Variants in SPEN observed in about 807,000 individuals in gnomAD.
The protein encoded by SPEN is msx2-interacting protein.
SPEN carries 18 observed loss-of-function variants against 269.9 expected under a neutral mutation model. The ratio of observed to expected loss-of-function variants is 0.07; its 90% CI spans 0.05 to 0.10. The LOEUF (loss-of-function observed/expected upper bound fraction) is 0.10. Among genes scored for constraint, SPEN ranks in the 10% least tolerant of loss-of-function variants. SPEN has a pLI of 1.00. For synonymous variants in SPEN, 1,726 were observed against 1,765.7 expected (o/e 0.98, Z 0.56); for missense variants, 3,822 against 4,631.2 (o/e 0.83, Z 5.07).
At chr1:15,906,904 G>C (rs1052092255) in intron 3 of SPEN, among the ~76,000 whole-genome samples, 1 of 150,152 alleles carries the variant, frequency 6.7e-6, no homozygotes, top group Non-Finnish European at 1.5e-5. Context: ...CTCCCCAGTA[G>C]CTGGGATTAC....
At chr1:15,875,710 T>C (rs2070624657) in intron 2 of SPEN, among the ~76,000 whole-genome samples, 1 of 152,222 alleles carries the variant, frequency 6.6e-6, no homozygotes, top group African/African-American at 2.4e-5. Context: ...TCTGGACTTC[T>C]TGAAAGTCCT....
chr1:15,934,347 C>T lies in SPEN; in HGVS notation c.8107C>T (p.Pro2703Ser). The T allele has an allele frequency of 6.2e-7, 1 of 1,613,564 alleles. No homozygotes were observed. Among genetic ancestry groups the T allele is most frequent in the East Asian group, 2.2e-5 (1 of 44,892 alleles). The change falls in exon 11 of 15, where the codon CCA becomes TCA. Residue 2703 changes from proline to serine, a missense_variant. Pro to Ser is a moderately conservative substitution (Grantham distance 74, BLOSUM62 -1). Transcript: ENST00000375759. This position sits in a 1 kb window ranked among gnomAD's most constrained non-coding sequence, Gnocchi z 9.2. Reference protein sequence around the residue: ...LKGPVNVLTGPVNVLTTPVNA... With the variant: ...LKGPVNVLTGSVNVLTTPVNA... Reference sequence around the variant, plus strand: ...AGGGCCTGTGAATGTTCTTACGGGGCCAGTGAATGTTCTCACCACTCCAGT... The same window carrying T: ...AGGGCCTGTGAATGTTCTTACGGGGTCAGTGAATGTTCTCACCACTCCAGT...
chr1:15,850,640 T>C (rs2070326744), intron 1 of SPEN, among the ~76,000 whole-genome samples: 1 of 152,334 alleles, frequency 6.6e-6, no homozygotes, highest in Non-Finnish European at 1.5e-5. Flanking sequence ...TGGAGCTAAG[T>C]GGACCTTGTT....
intron 1 of SPEN, among the ~76,000 whole-genome samples, chr1:15,855,844 CAG>C (rs923783073): frequency 1.3e-5 from 2 of 149,582 alleles, no homozygotes; most frequent in African/African-American, 4.9e-5. Context: ...GCCTGGGTGA[CAG>C]AGCAAGACTC....
chr1:15,910,992 C>G (rs1373816060), intron 4 of SPEN, 109 bp from the exon 5 acceptor site: 2 of 911,198 alleles, frequency 2.2e-6, no homozygotes, highest in Non-Finnish European at 3.3e-6. Context: ...TATTACCTGT[C>G]TGACATGAAC....
Position 15,933,766 on chromosome 1 carries a change from G to A in SPEN, c.7526G>A (p.Arg2509Gln), listed in dbSNP as rs750174025. The A allele has an allele frequency of 8.1e-6, 13 of 1,613,746 alleles. No homozygotes were observed. Among genetic ancestry groups the A allele is most frequent in the African/African-American group, 2.7e-5 (2 of 74,878 alleles). Residue 2509 changes from arginine (R) to glutamine (Q), a missense_variant, in exon 11 of 15, where the codon CGG (arginine) becomes CAG (glutamine). Around this residue, in one of 16 missense-constraint regions of SPEN, gnomAD observed 727 missense variants for 737.9 expected, o/e 0.99. Transcript: ENST00000375759. The surrounding 1 kb of genome is among the most constrained non-coding windows in gnomAD (Gnocchi z 5.7). ...TEWITRQEEP[R>Q]AQSTPSPALP... ...TGGATCACAAGGCAGGAGGAGCCAC[G>A]GGCTCAGTCTACTCCATCTCCAGCT...
At chr1:15,917,055 G>C (rs1368913362) in intron 6 of SPEN, among the ~76,000 whole-genome samples, 1 of 152,166 alleles carries the variant, frequency 6.6e-6, no homozygotes, top group Non-Finnish European at 1.5e-5. Flanking sequence ...TTGAGCCCAG[G>C]AAGCAGAGGC....
At chr1:15,897,424 G>A (rs1050070232) in intron 3 of SPEN, among the ~76,000 whole-genome samples, 1 of 150,580 alleles carries the variant, frequency 6.6e-6, no homozygotes, top group African/African-American at 2.5e-5. Flanking sequence ...GTGCAGTGGC[G>A]TAGTCTCGGC....
Position 15,900,713 on chromosome 1 carries a change from GAA to G in SPEN, c.882-8606_882-8605del, listed in dbSNP as rs143057599. On this transcript the variant is annotated intron_variant, in intron 3 of 14. Coordinates refer to ENST00000375759, the MANE Select transcript of SPEN (RefSeq NM_015001.3). ...GGATCCTGCGTTTGGATTGCAGCTT[GAA>G]ATTAGCATGTTGGTTTTTCAAAAGA... is the stretch of plus-strand genomic sequence containing the variant. Among the ~76,000 whole-genome samples the G allele has an allele frequency of 6.9e-3, 1,044 of 152,256 alleles. 11 individuals carry two copies. Among genetic ancestry groups the G allele is most frequent in the African/African-American group, 0.024 (985 of 41,548 alleles).
intron 13 of SPEN, 50 bp from the exon 14 acceptor site, chr1:15,938,668 G>A: frequency 6.4e-7 from 1 of 1,574,070 alleles, no homozygotes; most frequent in Non-Finnish European, 8.6e-7. Context: ...GATGTGGGCT[G>A]CTGTTTGACT....
At chr1:15,894,622 C>G (rs1005296616) in intron 3 of SPEN, among the ~76,000 whole-genome samples, 3 of 144,038 alleles carry the variant, frequency 2.1e-5, no homozygotes, top group Non-Finnish European at 3.0e-5. Flanking sequence ...CTCACTGCAA[C>G]CTCCGCCTCC....
Position 15,929,181 on chromosome 1 carries a change from C to G in SPEN, c.2941C>G (p.Leu981Val), listed in dbSNP as rs768024641. 1 of 1,614,156 alleles carries G rather than the reference C, an allele frequency of 6.2e-7. No homozygotes were observed. The highest frequency in any genetic ancestry group is 1.7e-4 in the Middle Eastern group (1 of 6,060). ...DGVSAVDLEKLEARKRRFADS... is the reference protein window; with the variant it reads ...DGVSAVDLEKVEARKRRFADS... ...GGTAAGTGCTGTGGATCTGGAGAAG[C>G]TGGAAGCCAGGAAAAGGCGCTTTGC... The change falls in exon 11 of 15, where the codon CTG (leucine) becomes GTG (valine). Residue 981 changes from leucine (L) to valine (V), a missense_variant. Physicochemically the swap from Leu to Val is conservative, Grantham distance 32. This residue lies in a region of SPEN where 572 missense variants were observed against 582.6 expected (regional missense o/e 0.98). Coordinates refer to ENST00000375759, the MANE Select transcript of SPEN (RefSeq NM_015001.3). This position sits in a 1 kb window ranked among gnomAD's most constrained non-coding sequence, Gnocchi z 5.8.
At position 15,936,002 on chromosome 1, in the gene SPEN, C is replaced by T. The variant is rs757178101; in HGVS notation, c.9762C>T (p.Val3254=). ...TPTPAPVPVP[V]PLPAPAPAPH... is the part of the protein sequence containing the mutation. ...CCCCTGCCCCCGTCCCTGTCCCTGTCCCCCTTCCTGCCCCTGCTCCTGCCC... is the reference window on the plus strand; with the variant it reads ...CCCCTGCCCCCGTCCCTGTCCCTGTTCCCCTTCCTGCCCCTGCTCCTGCCC... The change falls in exon 11 of 15, where the codon GTC becomes GTT. Residue 3254 remains valine, a synonymous_variant. Coordinates refer to ENST00000375759, the MANE Select transcript of SPEN (RefSeq NM_015001.3). 1.7e-6 allele frequency: 2 copies of T among 1,193,268 alleles called. No individual in the cohort carries two copies. The highest frequency in any genetic ancestry group is 2.0e-5 in the Admixed American group (1 of 48,984). The allele number at this position is 1,193,268 out of a possible 1,614,324, so 73.9% of individuals were successfully genotyped here. A position where few individuals can be genotyped will look rare whatever the true frequency, so the allele number is the denominator to read the frequency against.
At chr1:15,872,359 A>T (rs550922713) in intron 1 of SPEN, among the ~76,000 whole-genome samples, 16 of 152,008 alleles carry the variant, frequency 1.1e-4, no homozygotes, top group African/African-American at 3.6e-4. Flanking sequence ...TTGGGAGGCT[A>T]AGGCGGGCGG....
chr1:15,920,570 A>G (rs1240772496), intron 8 of SPEN, among the ~76,000 whole-genome samples: 1 of 152,226 alleles, frequency 6.6e-6, no homozygotes, highest in Non-Finnish European at 1.5e-5. Flanking sequence ...AAACAAGACG[A>G]ATACTTTACT....
At chr1:15,877,310 C>T (rs1331108461) in intron 3 of SPEN, among the ~76,000 whole-genome samples, 3 of 152,152 alleles carry the variant, frequency 2.0e-5, no homozygotes, top group Non-Finnish European at 4.4e-5. Flanking sequence ...ACTGTGTCAC[C>T]AAGGCTGGAG....
At chr1:15,870,406 T>G (rs2070561409) in intron 1 of SPEN, among the ~76,000 whole-genome samples, 1 of 152,166 alleles carries the variant, frequency 6.6e-6, no homozygotes, top group Non-Finnish European at 1.5e-5. Flanking sequence ...ATTTCAAAAC[T>G]TTGAGAGCTA....
chr1:15,906,252 G>C (rs2070954477), intron 3 of SPEN, among the ~76,000 whole-genome samples: 1 of 152,036 alleles, frequency 6.6e-6, no homozygotes, highest in Non-Finnish European at 1.5e-5. Flanking sequence ...TGGATGATCA[G>C]CAAACATTTT....
intron 1 of SPEN, among the ~76,000 whole-genome samples, chr1:15,864,819 A>G (rs1569977778): frequency 6.6e-6 from 1 of 150,664 alleles, no homozygotes; most frequent in African/African-American, 2.4e-5. Flanking sequence ...TAGGACTACT[A>G]CTAAGTGCCA....
Sources: gnomAD v4.1 joint callset for allele counts (sites outside exome capture counted in the v4.1 genomes callset) on GRCh38, gnomAD v4.1.1 for gene constraint, gnomAD v4.1.1 regional missense constraint, Gnocchi (gnomAD v3.1) non-coding constraint, MANE v1.5 for transcripts, NCBI Gene and HGNC (gene_info 2026-07-23, HGNC 2026-07-21) for gene names.